OPCML: variants seen among roughly 807,000 people sequenced by gnomAD.
The protein encoded by OPCML is opioid-binding protein/cell adhesion molecule.
OPCML carries 13 observed loss-of-function variants against 37.8 expected under a neutral mutation model. That is an observed-to-expected ratio of 0.34 (90% CI 0.22 to 0.55). OPCML has a LOEUF of 0.55. Ranked by LOEUF, OPCML falls within the 20% of genes least tolerant of loss-of-function variation. The pLI, the probability that OPCML is intolerant of heterozygous loss-of-function variation, is 0.91. For synonymous variants in OPCML, 176 were observed against 168.8 expected (o/e 1.04, Z -0.33); for missense variants, 341 against 435.6 (o/e 0.78, Z 1.93).
At chr11:133,100,230 C>A (rs1949066638) in intron 1 of OPCML, among the ~76,000 whole-genome samples, 1 of 152,080 alleles carries the variant, frequency 6.6e-6, no homozygotes, top group African/African-American at 2.4e-5. Context: ...TGCTCGCTAC[C>A]TGCATGATGA....
At chr11:133,210,298 C>T (rs1297111479) in intron 1 of OPCML, among the ~76,000 whole-genome samples, 2 of 152,182 alleles carry the variant, frequency 1.3e-5, no homozygotes, top group African/African-American at 2.4e-5. Context: ...ATGGACAGAA[C>T]ATCAGAAAAA....
intron 1 of OPCML, among the ~76,000 whole-genome samples, chr11:133,016,313 G>A (rs779102925): frequency 1.4e-4 from 21 of 152,150 alleles, no homozygotes; most frequent in East Asian, 3.9e-4. Flanking sequence ...TCTTAAGCTC[G>A]TTGATTGAAT....
At chr11:132,547,495 A>AGT (rs1491434957) in intron 3 of OPCML, among the ~76,000 whole-genome samples, 1 of 150,170 alleles carries the variant, frequency 6.7e-6, no homozygotes, top group African/African-American at 2.5e-5. Flanking sequence ...GGGTAGAGGC[A>AGT]GAGTCTGGAA....
intron 4 of OPCML, among the ~76,000 whole-genome samples, chr11:132,451,586 G>A (rs564532892): frequency 6.6e-6 from 1 of 152,228 alleles, no homozygotes. Flanking sequence ...TTCTTGACTG[G>A]CGATTCCATT....
intron 2 of OPCML, among the ~76,000 whole-genome samples, chr11:132,883,069 C>T (rs1943275538): frequency 1.3e-5 from 2 of 152,160 alleles, no homozygotes; most frequent in African/African-American, 4.8e-5. Flanking sequence ...TTCCCGCGAA[C>T]ACCAAAATGG....
chr11:133,411,739 G>C (rs1485103121), intron 1 of OPCML, among the ~76,000 whole-genome samples: 2 of 152,154 alleles, frequency 1.3e-5, no homozygotes, highest in Admixed American at 6.5e-5. Context: ...TGAAGCCCAG[G>C]GTGTAGCTCG....
intron 1 of OPCML, among the ~76,000 whole-genome samples, chr11:133,364,354 G>A (rs1944492952): frequency 6.6e-6 from 1 of 152,186 alleles, no homozygotes; most frequent in South Asian, 2.1e-4. Context: ...ATGAAACAGT[G>A]CTAATACACA....
intron 1 of OPCML, among the ~76,000 whole-genome samples, chr11:133,268,927 G>A (rs7939374): frequency 0.32 from 47,980 of 151,992 alleles, 8,218 homozygotes; most frequent in East Asian, 0.68. Context: ...CACTGGTCCC[G>A]AGGACTTACA....
At chr11:132,456,255 A>C (rs1352277118) in intron 4 of OPCML, among the ~76,000 whole-genome samples, 1 of 152,224 alleles carries the variant, frequency 6.6e-6, no homozygotes, top group African/African-American at 2.4e-5. Context: ...GTGCATAAAC[A>C]TATGAAACTT....
chr11:132,707,095 T>G (rs955971427), intron 2 of OPCML, among the ~76,000 whole-genome samples: 25 of 152,196 alleles, frequency 1.6e-4, no homozygotes, highest in African/African-American at 5.8e-4. Flanking sequence ...AATAGCCAGA[T>G]GATAAAATAG....
chr11:133,355,260 A>G lies in OPCML; in HGVS notation c.61+177004T>C, dbSNP rs141375695. On this transcript the variant is annotated intron_variant, in intron 1 of 7. Transcript: ENST00000524381. ...TCCATTTTCTAATTGACTGAACAAA[A>G]CGAGGTCTCTGTTGCAGCTCATCCT... 2.0e-3 allele frequency among the ~76,000 whole-genome samples: 299 copies of G among 152,320 alleles called. 2 individuals carry two copies. Among genetic ancestry groups the G allele is most frequent in the African/African-American group, 7.0e-3 (289 of 41,564 alleles).
At chr11:133,059,770 G>C (rs1365843848) in intron 1 of OPCML, among the ~76,000 whole-genome samples, 5 of 152,190 alleles carry the variant, frequency 3.3e-5, no homozygotes, top group African/African-American at 1.2e-4. Context: ...CACAATATGT[G>C]CTTGAAAGAA....
intron 2 of OPCML, among the ~76,000 whole-genome samples, chr11:132,677,890 G>T (rs1256610175): frequency 6.6e-6 from 1 of 152,180 alleles, no homozygotes; most frequent in African/African-American, 2.4e-5. Flanking sequence ...ATGAAAGAAA[G>T]AATTGATACG....
intron 2 of OPCML, among the ~76,000 whole-genome samples, chr11:132,667,255 A>G (rs1942264222): frequency 6.6e-6 from 1 of 152,208 alleles, no homozygotes; most frequent in African/African-American, 2.4e-5. Context: ...GCAAATATTT[A>G]CTGAATACCT....
intron 3 of OPCML, among the ~76,000 whole-genome samples, chr11:132,655,772 C>A (rs1447268970): frequency 6.6e-6 from 1 of 151,978 alleles, no homozygotes; most frequent in Non-Finnish European, 1.5e-5. Flanking sequence ...GAATGGGCAA[C>A]CTGAATCATG....
intron 2 of OPCML, among the ~76,000 whole-genome samples, chr11:132,722,339 C>T (rs904997817): frequency 2.0e-5 from 3 of 151,818 alleles, no homozygotes; most frequent in African/African-American, 7.3e-5. Flanking sequence ...AGAGGGGATG[C>T]AGGCTGGTGA....
chr11:132,422,336 A>G (rs2095962325), intron 7 of OPCML, among the ~76,000 whole-genome samples: 1 of 152,190 alleles, frequency 6.6e-6, no homozygotes, highest in African/African-American at 2.4e-5. Context: ...TATACACAGA[A>G]AACAGACCAT....
chr11:133,044,329 GATAAGCAATGGCCAGATCAC>G (rs1947964190), intron 1 of OPCML, among the ~76,000 whole-genome samples: 2 of 152,288 alleles, frequency 1.3e-5, no homozygotes, highest in South Asian at 4.1e-4. Context: ...TAAGAAAGGA[GATAAGCAATGGCCAGATCAC>G]GCAATGCTTT....
In OPCML at chr11:132,962,094, G is replaced by A. The variant is rs139619753; in HGVS notation, c.62-19084C>T. ...AGTACCAAGCACAATGCTTGGCAAA[G>A]AGGCCGTGCTCAGTGCATGTTTGCT... On this transcript the variant is annotated intron_variant, in intron 1 of 7. Transcript: ENST00000524381. 1.8e-4 allele frequency among the ~76,000 whole-genome samples: 28 copies of A among 152,364 alleles called. No individual in the cohort carries two copies. The East Asian group carries it at 5.4e-3, about 29-fold the overall frequency.
Sources: allele counts gnomAD v4.1 joint callset (sites outside exome capture counted in the v4.1 genomes callset), GRCh38; gene constraint gnomAD v4.1.1; transcripts MANE v1.5; gene names NCBI Gene and HGNC (gene_info 2026-07-23, HGNC 2026-07-21).